ZNF331: variants seen among roughly 807,000 people sequenced by gnomAD.
The protein encoded by ZNF331 is zinc finger protein 331.
In ZNF331, 2 loss-of-function variants were observed where a neutral mutation model predicts 7.0. The ratio of observed to expected loss-of-function variants is 0.29; its 90% CI spans 0.12 to 0.90. The LOEUF (loss-of-function observed/expected upper bound fraction) is 0.90. Ranked by LOEUF, ZNF331 falls within the 40% of genes least tolerant of loss-of-function variation. The pLI is 0.58. For synonymous variants in ZNF331, 196 were observed against 205.4 expected (o/e 0.95, Z 0.39); for missense variants, 432 against 587.7 (o/e 0.74, Z 2.74).
chr19:53,516,831 A>G (rs2086915380), upstream of ZNF331, among the ~76,000 whole-genome samples: 1 of 152,188 alleles, frequency 6.6e-6, no homozygotes, highest in African/African-American at 2.4e-5. Context: ...CTACTTTCTT[A>G]TTTAAAAATT....
At chr19:53,554,333 CCA>C (rs1026349441) in intron 2 of ZNF331, among the ~76,000 whole-genome samples, 2 of 152,120 alleles carry the variant, frequency 1.3e-5, no homozygotes, top group African/African-American at 4.8e-5. Context: ...CAAGGTCTGG[CCA>C]CACGCATGCG....
At chr19:53,556,836 C>T (rs759814411) in intron 3 of ZNF331, among the ~76,000 whole-genome samples, 4 of 151,752 alleles carry the variant, frequency 2.6e-5, no homozygotes, top group African/African-American at 4.8e-5. Context: ...GACGGGGTCT[C>T]GCTTTGTCAT....
At chr19:53,529,053 C>T (rs1031802983) in intron 2 of ZNF331, among the ~76,000 whole-genome samples, 1 of 152,078 alleles carries the variant, frequency 6.6e-6, no homozygotes, top group Non-Finnish European at 1.5e-5. Context: ...TCCCAAGGTG[C>T]TGGGATTACA....
At chr19:53,509,192 G>A in the ZNF331 span, among the ~76,000 whole-genome samples, 2 of 152,154 alleles carry the variant, frequency 1.3e-5, no homozygotes. Context: ...ATTCTAGTGA[G>A]GAGTGTGCCC....
chr19:53,570,566 CTT>C (rs1291059551), intron 4 of ZNF331, among the ~76,000 whole-genome samples: 2 of 151,816 alleles, frequency 1.3e-5, no homozygotes, highest in Non-Finnish European at 2.9e-5. Context: ...GAGTTTCACT[CTT>C]GTTGCCCAGG....
At chr19:53,523,233 ATTTTTTTT>A (rs1192210975) in intron 2 of ZNF331, 1 of 146,542 alleles carries the variant, frequency 6.8e-6, no homozygotes, top group Admixed American at 6.8e-5. Flanking sequence ...TTTTTTTTTT[ATTTTTTTT>A]TTCTTTTGCC....
chr19:53,523,882 T>C (rs2087187869), intron 2 of ZNF331, among the ~76,000 whole-genome samples: 1 of 151,456 alleles, frequency 6.6e-6, no homozygotes, highest in Non-Finnish European at 1.5e-5. Flanking sequence ...GTCATTTGCA[T>C]TAGGTATTTC....
chr19:53,550,568 G>A (rs1317219647), intron 2 of ZNF331, among the ~76,000 whole-genome samples: 2 of 100,160 alleles, frequency 2.0e-5, no homozygotes, highest in South Asian at 7.0e-4. Context: ...TTAGAGTCTC[G>A]CTGTATCACC....
At chr19:53,555,266 G>GGT (rs2089312043) in intron 2 of ZNF331, 2 of 128,560 alleles carry the variant, frequency 1.6e-5, no homozygotes, top group South Asian at 5.7e-4. Flanking sequence ...GGGTGACGCA[G>GGT]GTGTGTGTGA....
chr19:53,562,816 C>T (rs543343850), intron 3 of ZNF331, among the ~76,000 whole-genome samples: 3 of 151,874 alleles, frequency 2.0e-5, no homozygotes, highest in Admixed American at 2.0e-4. Context: ...GGTGAAACCC[C>T]ATCTCTACTA....
chr19:53,579,106 C>G lies in ZNF331; in HGVS notation c.*1154C>G, dbSNP rs2090838690. 5.1e-6 allele frequency: 1 copy of G among 197,610 alleles called. No homozygotes were observed. Among genetic ancestry groups the G allele is most frequent in the Non-Finnish European group, 1.0e-5 (1 of 95,418 alleles). The allele number at this position is 197,610 out of a possible 1,614,324, so 12.2% of individuals were successfully genotyped here. Reference sequence around the variant, plus strand: ...GAGCCACTGCACCTAGCCCACTGATCACTCTTCTGCTTACAGAATATCAGA... The same window carrying G: ...GAGCCACTGCACCTAGCCCACTGATGACTCTTCTGCTTACAGAATATCAGA... On this transcript the variant is annotated 3_prime_UTR_variant, in exon 6 of 6. Transcript: ENST00000449416.
Position 53,576,862 on chromosome 19 carries a change from A to G in ZNF331, c.302A>G (p.Asn101Ser). 6.2e-7 allele frequency: 1 copy of G among 1,614,198 alleles called. No homozygotes were observed. The highest frequency in any genetic ancestry group is 1.3e-5 in the African/African-American group (1 of 75,058). Residue 101 changes from asparagine to serine, a missense_variant, in exon 6 of 6, where the codon AAT becomes AGT. Physicochemically the swap from Asn to Ser is conservative, Grantham distance 46 (BLOSUM62 1). Around this residue, in one of 3 missense-constraint regions of ZNF331, gnomAD observed 81 missense variants for 70.3 expected, o/e 1.15. Coordinates refer to ENST00000449416, the MANE Select transcript of ZNF331 (RefSeq NM_001079906.2). ...RPQRSRGRYV[N>S]QMIINYVKRP... ...CAGCGCTCCAGAGGGAGGTATGTCA[A>G]TCAGATGATCATCAATTATGTCAAA...
At chr19:53,508,973 A>ATCCT in the ZNF331 span, among the ~76,000 whole-genome samples, 1 of 152,136 alleles carries the variant, frequency 6.6e-6, no homozygotes, top group Non-Finnish European at 1.5e-5. Flanking sequence ...AGGTCCTAGG[A>ATCCT]GCACTGAAGA....
intron 2 of ZNF331, among the ~76,000 whole-genome samples, chr19:53,543,310 G>A (rs1600283985): frequency 6.6e-6 from 1 of 152,232 alleles, no homozygotes; most frequent in South Asian, 2.1e-4. Context: ...TGTCTCCCAG[G>A]CTGGAGTGTA....
chr19:53,541,993 C>T (rs926532539), intron 2 of ZNF331, among the ~76,000 whole-genome samples: 1 of 144,542 alleles, frequency 6.9e-6, no homozygotes, highest in Non-Finnish European at 1.5e-5. Context: ...CAAAGGGAGA[C>T]AGTGTCTCAA....
chr19:53,544,922 C>T (rs1328004558), intron 2 of ZNF331, among the ~76,000 whole-genome samples: 2 of 151,898 alleles, frequency 1.3e-5, no homozygotes, highest in African/African-American at 2.4e-5. Context: ...TTAGTAGAGA[C>T]GGGGTTTCAC....
At chr19:53,522,663 A>G (rs2087131422) in exon 2 of ZNF331, 1 of 152,290 alleles carries the variant, frequency 6.6e-6, no homozygotes, top group Non-Finnish European at 1.5e-5. Context: ...GAAGTGTTAT[A>G]TGTCCTAAAG....
chr19:53,546,891 G>T (rs930793645), intron 2 of ZNF331, among the ~76,000 whole-genome samples: 1 of 152,142 alleles, frequency 6.6e-6, no homozygotes, highest in Non-Finnish European at 1.5e-5. Context: ...CCGTTTGTGT[G>T]AACTGTGAGA....
rs1452843717 is a variant in ZNF331, at chr19:53,579,801, A to G, written c.*1849A>G. On this transcript the variant is annotated 3_prime_UTR_variant, in exon 6 of 6. Coordinates refer to ENST00000449416, the MANE Select transcript of ZNF331 (RefSeq NM_001079906.2). ...TTCTGTTCATCAAATGATGCTGTTA[A>G]GATAGGGAAAAGACAAGAAACAGGA... The G allele has an allele frequency of 5.0e-6, 1 of 198,522 alleles. No homozygotes were observed. Among genetic ancestry groups the G allele is most frequent in the African/African-American group, 2.3e-5 (1 of 43,492 alleles). The allele number at this position is 198,522 out of a possible 1,614,324, so 12.3% of individuals were successfully genotyped here.
Sources: allele counts gnomAD v4.1 joint callset (sites outside exome capture counted in the v4.1 genomes callset), GRCh38; gene constraint gnomAD v4.1.1; regional missense constraint gnomAD v4.1.1; transcripts MANE v1.5; gene names NCBI Gene and HGNC (gene_info 2026-07-23, HGNC 2026-07-21).